Variants in HCN4 observed in about 807,000 individuals in gnomAD.
HCN4 encodes the protein hyperpolarization activated cyclic nucleotide gated potassium channel 4, also known as potassium/sodium hyperpolarization-activated cyclic nucleotide-gated channel 4.
A neutral mutation model predicts 76.9 loss-of-function variants in HCN4; 29 were observed. The ratio of observed to expected loss-of-function variants is 0.38; its 90% CI spans 0.28 to 0.51. HCN4 has a LOEUF of 0.51. HCN4 is among the 20% of genes least tolerant of loss of function. The pLI is 0.90. For synonymous variants in HCN4, 772 were observed against 762.5 expected (o/e 1.01, Z -0.21); for missense variants, 1,416 against 1,715.2 (o/e 0.83, Z 3.08).
intron 1 of HCN4, among the ~76,000 whole-genome samples, chr15:73,346,811 T>A (rs543759903): frequency 4.4e-4 from 67 of 152,306 alleles, no homozygotes; most frequent in African/African-American, 1.6e-3. Flanking sequence ...TTTTGGGAAC[T>A]GCCGTTGGCT....
chr15:73,322,520 C>A lies in HCN4; in HGVS notation c.3573G>T (p.Arg1191Ser), dbSNP rs1435640354. The change falls in exon 8 of 8, where the codon AGG (arginine) becomes AGT (serine). Residue 1191 changes from arginine to serine, a missense_variant. Arg to Ser is a moderately radical substitution (Grantham distance 110). This residue lies in a region of HCN4 where 633 missense variants were observed against 579.8 expected (regional missense o/e 1.09). Transcript: ENST00000261917. ...GCAGTTTGGAGCGCACTGGCTCAGG[C>A]CTGGCCCCAGGTTCCCTCTGGGGTC... Reference protein sequence around the residue: ...TAGPQREPGARPEPVRSKLPS... With the variant: ...TAGPQREPGASPEPVRSKLPS... 2.5e-6 allele frequency: 4 copies of A among 1,603,048 alleles called. No individual in the cohort carries two copies. The Admixed American group carries it at 6.8e-5, about 27-fold the overall frequency.
At chr15:73,366,471 T>C (rs2043128877) in intron 1 of HCN4, among the ~76,000 whole-genome samples, 1 of 152,152 alleles carries the variant, frequency 6.6e-6, no homozygotes, top group Non-Finnish European at 1.5e-5. Flanking sequence ...CAGACCTTCA[T>C]CACAATCTCA....
intron 2 of HCN4, among the ~76,000 whole-genome samples, chr15:73,339,885 G>A (rs1181109945): frequency 1.3e-5 from 2 of 152,208 alleles, no homozygotes; most frequent in Non-Finnish European, 2.9e-5. Flanking sequence ...GGGGTCCAGT[G>A]AGAGCCCTAG....
chr15:73,320,629 T>C lies in HCN4; in HGVS notation c.*1852A>G, dbSNP rs2042851553. ...CTGAGCTGCTTTCTCGTTCCCGCAATCTGGAACCTGCTTATGGCTCCTAGT... is the reference window on the plus strand; with the variant it reads ...CTGAGCTGCTTTCTCGTTCCCGCAACCTGGAACCTGCTTATGGCTCCTAGT... On this transcript the variant is annotated 3_prime_UTR_variant, in exon 8 of 8. Transcript: ENST00000261917. 3 of 152,224 alleles carry C rather than the reference T, an allele frequency of 2.0e-5. No individual in the cohort carries two copies. Among genetic ancestry groups the C allele is most frequent in the South Asian group, 4.1e-4 (2 of 4,836 alleles). The allele number at this position is 152,224 out of a possible 1,614,324, so 9.4% of individuals were successfully genotyped here.
intron 2 of HCN4, among the ~76,000 whole-genome samples, chr15:73,338,153 C>T (rs1053144059): frequency 6.6e-6 from 1 of 152,200 alleles, no homozygotes; most frequent in African/African-American, 2.4e-5. Context: ...CAAGGCTGGA[C>T]GTTGCTGGGA....
intron 1 of HCN4, among the ~76,000 whole-genome samples, chr15:73,366,972 C>T (rs1198874198): frequency 1.3e-5 from 2 of 152,200 alleles, no homozygotes; most frequent in Non-Finnish European, 2.9e-5. Context: ...GCCTGAGGCC[C>T]CAGTGACTTC....
chr15:73,346,649 C>T (rs535962266), intron 1 of HCN4, among the ~76,000 whole-genome samples: 1 of 152,106 alleles, frequency 6.6e-6, no homozygotes, highest in Non-Finnish European at 1.5e-5. Flanking sequence ...GAGCGCAAGG[C>T]TTGGATAGAA....
At chr15:73,334,059 C>T (rs2042948196) in intron 2 of HCN4, among the ~76,000 whole-genome samples, 1 of 152,222 alleles carries the variant, frequency 6.6e-6, no homozygotes, top group Non-Finnish European at 1.5e-5. Context: ...ATTCACACAG[C>T]AAGCTGGGTC....
intron 1 of HCN4, among the ~76,000 whole-genome samples, chr15:73,353,438 G>C (rs567581161): frequency 6.6e-6 from 1 of 152,292 alleles, no homozygotes; most frequent in East Asian, 1.9e-4. Flanking sequence ...GTGGAGAGAG[G>C]GTGGTTGTCT....
At chr15:73,326,291 G>A (rs1046224170) in intron 4 of HCN4, among the ~76,000 whole-genome samples, 2 of 152,190 alleles carry the variant, frequency 1.3e-5, no homozygotes, top group African/African-American at 4.8e-5. Context: ...GGGGCAGCCT[G>A]TTTGCATCTA....
rs139394937 is a variant in HCN4 at position 73,323,597 on chromosome 15, C to A, written c.2496G>T (p.Leu832=). 40 of 1,601,286 alleles carry A rather than the reference C, an allele frequency of 2.5e-5. No homozygotes were observed. In the African/African-American group the frequency reaches 4.8e-4, roughly 19 times the overall value. ...AGGCGGAGCCCAGCGCAGAAGGGAT[C>A]AGGGACTGCAGCCGTTTCAGGTGCC... is the stretch of plus-strand genomic sequence containing the variant. ...TPRHLKRLQS[L]IPSALGSASP... is the part of the protein sequence containing the mutation. Residue 832 remains leucine (L), a synonymous_variant, in exon 8 of 8, where the codon CTG becomes CTT. Transcript: ENST00000261917.
At position 73,368,103 on chromosome 15, in the gene HCN4, G is replaced by A. The variant is rs1484783238; in HGVS notation, c.168C>T (p.Pro56=). 6.7e-7 allele frequency: 1 copy of A among 1,500,190 alleles called. No individual in the cohort carries two copies. Among genetic ancestry groups the A allele is most frequent in the Non-Finnish European group, 8.9e-7 (1 of 1,128,936 alleles). The allele number at this position is 1,500,190 out of a possible 1,614,324, so 92.9% of individuals were successfully genotyped here. Reference sequence around the variant, plus strand: ...TGCCACCCGCGGCCGCCGAGGGGGAGGGCGAGGGCAGTGGCCGCAGCCGGA... The same window carrying A: ...TGCCACCCGCGGCCGCCGAGGGGGAAGGCGAGGGCAGTGGCCGCAGCCGGA... ...RSIRLRPLPS[P]SPSAAAGGTE... is the part of the protein sequence containing the mutation. Residue 56 remains proline (P), a synonymous_variant, in exon 1 of 8, where the codon CCC becomes CCT. Transcript: ENST00000261917. This position sits in a 1 kb window ranked among gnomAD's most constrained non-coding sequence, Gnocchi z 6.9.
At chr15:73,359,118 T>C (rs2043093757) in intron 1 of HCN4, among the ~76,000 whole-genome samples, 1 of 152,116 alleles carries the variant, frequency 6.6e-6, no homozygotes, top group Admixed American at 6.5e-5. Context: ...AGACACAAAA[T>C]CATCAGCAGC....
At position 73,322,177 on chromosome 15, in the gene HCN4, C is replaced by T. The variant is rs2042862858; in HGVS notation, c.*304G>A. On this transcript the variant is annotated 3_prime_UTR_variant, in exon 8 of 8. Coordinates refer to ENST00000261917, the MANE Select transcript of HCN4 (RefSeq NM_005477.3). The stretch of plus-strand genomic sequence containing the variant: ...ACCGCCAACACTGGCCACTCCCACC[C>T]CTGCCCAGCCCCGGAGACCCCATCT... 5.2e-6 allele frequency: 2 copies of T among 386,198 alleles called. No individual in the cohort carries two copies. Among genetic ancestry groups the T allele is most frequent in the South Asian group, 4.4e-5 (2 of 45,108 alleles). 23.9% of individuals were successfully genotyped at this position (386,198 alleles called of 1,614,324 possible).
At chr15:73,324,854 G>A (rs963606178) in intron 6 of HCN4, 101 bp downstream of exon 6, 1 of 1,452,568 alleles carries the variant, frequency 6.9e-7, no homozygotes, top group Non-Finnish European at 9.5e-7. Context: ...CCTCCAGGCT[G>A]TGGCCAAGAA....
At position 73,343,401 on chromosome 15, in the gene HCN4, A is replaced by G. The variant is rs2043016057; in HGVS notation, c.1193T>C (p.Ile398Thr). Reference sequence around the variant, plus strand: ...ACCACTTACCTCTTCCCACTGGTGAATATATCGAATGAGGCGGGAGAGGCG... The same window carrying G: ...ACCACTTACCTCTTCCCACTGGTGAGTATATCGAATGAGGCGGGAGAGGCG... Reference protein sequence around the residue: ...LLRLSRLIRYIHQWEEIFHMT... With the variant: ...LLRLSRLIRYTHQWEEIFHMT... The change falls in exon 2 of 8, where the codon ATT becomes ACT. Residue 398 changes from isoleucine to threonine, a missense_variant. Coordinates refer to ENST00000261917, the MANE Select transcript of HCN4 (RefSeq NM_005477.3). The surrounding 1 kb of genome is among the most constrained non-coding windows in gnomAD (Gnocchi z 5.7). 1 of 1,613,964 alleles carries G rather than the reference A, an allele frequency of 6.2e-7. No individual in the cohort carries two copies. Among genetic ancestry groups the G allele is most frequent in the African/African-American group, 1.3e-5 (1 of 74,898 alleles).
chr15:73,336,453 T>C (rs2042965988), intron 2 of HCN4, among the ~76,000 whole-genome samples: 1 of 152,130 alleles, frequency 6.6e-6, no homozygotes. Flanking sequence ...TACCCCCAGT[T>C]CCTTGCTTCT....
At chr15:73,365,564 G>A (rs909583165) in intron 1 of HCN4, among the ~76,000 whole-genome samples, 1 of 152,146 alleles carries the variant, frequency 6.6e-6, no homozygotes, top group Non-Finnish European at 1.5e-5. Flanking sequence ...ACCAGAATGG[G>A]GTAAGACCAG....
intron 2 of HCN4, among the ~76,000 whole-genome samples, chr15:73,336,656 C>T (rs981909813): frequency 2.0e-5 from 3 of 152,168 alleles, no homozygotes; most frequent in Non-Finnish European, 4.4e-5. Flanking sequence ...CCCCACATCC[C>T]ATCAATCCAG....
Sources: allele counts gnomAD v4.1 joint callset (sites outside exome capture counted in the v4.1 genomes callset), GRCh38; gene constraint gnomAD v4.1.1; regional missense constraint gnomAD v4.1.1; non-coding constraint Gnocchi (gnomAD v3.1); transcripts MANE v1.5; gene names NCBI Gene and HGNC (gene_info 2026-07-23, HGNC 2026-07-21).